The following TAOK1 variants were observed in gnomAD, a reference collection of about 807,000 sequenced individuals.
The protein encoded by TAOK1 is serine/threonine-protein kinase TAO1.
Under a neutral mutation model 138.3 loss-of-function variants are expected in TAOK1, and 21 were observed. That is an observed-to-expected ratio of 0.15 (90% CI 0.11 to 0.22). The LOEUF is 0.22. Ranked by LOEUF, TAOK1 falls within the 10% of genes least tolerant of loss-of-function variation. The pLI is 1.00. For missense variants in TAOK1, 651 were observed against 1,227.7 expected, an observed-to-expected ratio of 0.53 and a Z score of 7.02; for synonymous variants, 361 against 398.4, an observed-to-expected ratio of 0.91 and a Z score of 1.12.
At chr17:29,456,146 G>A (rs1175451768) in intron 2 of TAOK1, among the ~76,000 whole-genome samples, 1 of 150,202 alleles carries the variant, frequency 6.7e-6, no homozygotes, top group Non-Finnish European at 1.5e-5. Flanking sequence ...TCAGGGGTTC[G>A]AGACCAGCCT....
Position 29,491,856 on chromosome 17 carries a change from A to G in TAOK1, c.822A>G (p.Glu274=). The G allele has an allele frequency of 6.2e-7, 1 of 1,610,060 alleles. No individual in the cohort carries two copies. Among genetic ancestry groups the G allele is most frequent in the East Asian group, 2.2e-5 (1 of 44,850 alleles). ...CTCAAGATCGACCTACATCAGAGGA[A>G]CTTTTAAAGGTCAGTTCTATTATAG... ...KIPQDRPTSE[E]LLKHIFVLRE... The change falls in exon 10 of 20, where the codon GAA becomes GAG. Residue 274 remains glutamate, a synonymous_variant. Coordinates refer to ENST00000261716, the MANE Select transcript of TAOK1 (RefSeq NM_020791.4).
chr17:29,509,205 T>G (rs2031676105), intron 14 of TAOK1, among the ~76,000 whole-genome samples: 1 of 152,168 alleles, frequency 6.6e-6, no homozygotes, highest in Non-Finnish European at 1.5e-5. Flanking sequence ...AATCTCCCTC[T>G]GTCGCCCAGG....
chr17:29,497,304 A>G (rs1177235598), intron 11 of TAOK1, among the ~76,000 whole-genome samples: 2 of 152,092 alleles, frequency 1.3e-5, no homozygotes, highest in East Asian at 1.9e-4. Context: ...TAAACTTACA[A>G]TTTTTGGTTT....
intron 2 of TAOK1, among the ~76,000 whole-genome samples, chr17:29,455,575 C>T (rs1020074481): frequency 4.0e-5 from 6 of 150,450 alleles, no homozygotes; most frequent in Non-Finnish European, 4.4e-5. Flanking sequence ...CCTTTTCAGC[C>T]TTTTACTATT....
At chr17:29,413,725 C>G (rs1342684859) in intron 1 of TAOK1, among the ~76,000 whole-genome samples, 1 of 152,118 alleles carries the variant, frequency 6.6e-6, no homozygotes, top group African/African-American at 2.4e-5. Context: ...CAAGCAAACC[C>G]TGCACCCATT....
chr17:29,486,288 CAAAAAAAGA>C (rs1001523762), intron 8 of TAOK1, among the ~76,000 whole-genome samples: 7 of 151,058 alleles, frequency 4.6e-5, no homozygotes, highest in Middle Eastern at 3.4e-3. Context: ...GACTTTATCT[CAAAAAAAGA>C]AAAAAAAGTT....
intron 1 of TAOK1, among the ~76,000 whole-genome samples, chr17:29,397,552 G>A (rs982908336): frequency 7.2e-5 from 10 of 138,118 alleles, no homozygotes; most frequent in Non-Finnish European, 1.4e-4. Context: ...GCAGTGAGCC[G>A]AGATCGTGCC....
At chr17:29,510,202 C>A (rs1237933008) in intron 14 of TAOK1, among the ~76,000 whole-genome samples, 1 of 151,938 alleles carries the variant, frequency 6.6e-6, no homozygotes. Context: ...CATGGCAAAA[C>A]CCCATCTCTT....
intron 10 of TAOK1, among the ~76,000 whole-genome samples, chr17:29,495,095 A>G (rs1424534069): frequency 6.6e-6 from 1 of 152,170 alleles, no homozygotes; most frequent in Non-Finnish European, 1.5e-5. Flanking sequence ...CTGTGTTAGT[A>G]TTTTATAAAG....
At chr17:29,479,254 T>A (rs2031008796) in intron 6 of TAOK1, among the ~76,000 whole-genome samples, 1 of 152,212 alleles carries the variant, frequency 6.6e-6, no homozygotes, top group Non-Finnish European at 1.5e-5. Flanking sequence ...CATTTTATAA[T>A]GTATTTTTGG....
At chr17:29,491,909 A>G (rs2031303044) in intron 10 of TAOK1, 44 bp downstream of exon 10, 1 of 1,463,254 alleles carries the variant, frequency 6.8e-7, no homozygotes, top group Non-Finnish European at 9.4e-7. Context: ...TTTTAAGACA[A>G]GGCCTCACTT....
intron 8 of TAOK1, among the ~76,000 whole-genome samples, chr17:29,487,327 A>G (rs1343238730): frequency 6.6e-6 from 1 of 152,066 alleles, no homozygotes; most frequent in Non-Finnish European, 1.5e-5. Flanking sequence ...GAAAGCTAGA[A>G]ATAAACACTA....
At chr17:29,409,009 G>A (rs1305042815) in intron 1 of TAOK1, among the ~76,000 whole-genome samples, 1 of 151,872 alleles carries the variant, frequency 6.6e-6, no homozygotes, top group East Asian at 1.9e-4. Flanking sequence ...CATCACACCA[G>A]GCCTCTGATG....
chr17:29,467,332 G>T (rs779421311), intron 3 of TAOK1, 116 bp downstream of exon 3: 39 of 469,258 alleles, frequency 8.3e-5, no homozygotes, highest in Non-Finnish European at 1.2e-4. Flanking sequence ...GGAGTGTAGT[G>T]GTGCAATCTT....
At chr17:29,528,858 A>C (rs1246843165) in intron 17 of TAOK1, among the ~76,000 whole-genome samples, 2 of 150,760 alleles carry the variant, frequency 1.3e-5, no homozygotes, top group East Asian at 3.8e-4. Flanking sequence ...AAAAAAAAAA[A>C]AAAAAAGAAA....
intron 7 of TAOK1, 90 bp from the exon 8 acceptor site, chr17:29,482,107 A>G: frequency 1.1e-6 from 1 of 898,404 alleles, no homozygotes; most frequent in Non-Finnish European, 1.7e-6. Flanking sequence ...AATTCAAACC[A>G]GTGATCTCCA....
chr17:29,408,843 G>A (rs55991966), intron 1 of TAOK1, among the ~76,000 whole-genome samples: 5,555 of 151,974 alleles, frequency 0.037, 312 homozygotes, highest in African/African-American at 0.13. Context: ...CTCCCAAGTA[G>A]CTGGGATTAC....
intron 1 of TAOK1, among the ~76,000 whole-genome samples, chr17:29,408,692 C>T (rs1905061715): frequency 6.6e-6 from 1 of 151,808 alleles, no homozygotes; most frequent in African/African-American, 2.4e-5. Context: ...TCCTGTGCAG[C>T]CGCTGATGTG....
intron 19 of TAOK1, among the ~76,000 whole-genome samples, chr17:29,541,210 A>C (rs2032309836): frequency 6.6e-6 from 1 of 151,702 alleles, no homozygotes; most frequent in Admixed American, 6.6e-5. Flanking sequence ...GCCAGGTTCA[A>C]GTGATTCTCC....
Sources: allele counts gnomAD v4.1 joint callset (sites outside exome capture counted in the v4.1 genomes callset), GRCh38; gene constraint gnomAD v4.1.1; transcripts MANE v1.5; gene names NCBI Gene and HGNC (gene_info 2026-07-23, HGNC 2026-07-21).